MS4A4A: variants seen among roughly 807,000 people sequenced by gnomAD.
The protein encoded by MS4A4A is membrane spanning 4-domains A4A, also known as membrane-spanning 4-domains subfamily A member 4A.
Under a neutral mutation model 28.0 loss-of-function variants are expected in MS4A4A, and 26 were observed. The observed-to-expected ratio is 0.93, with a 90% CI of 0.68 to 1.29. The LOEUF is 1.29. MS4A4A is among the 50% of genes most tolerant of loss of function. The pLI, the probability that MS4A4A is intolerant of heterozygous loss-of-function variation, is 0.00. For missense variants in MS4A4A, 290 were observed against 293.1 expected (o/e 0.99, Z 0.08); for synonymous variants, 86 against 100.8 (o/e 0.85, Z 0.88).
intron 1 of MS4A4A, chr11:60,282,643 A>G: frequency 7.8e-7 from 1 of 1,286,670 alleles, no homozygotes. Flanking sequence ...CAATATATGC[A>G]GATGTCTCAA....
chr11:60,299,461 TTTTTTTGG>T (rs2084932741), intron 3 of MS4A4A, among the ~76,000 whole-genome samples: 1 of 150,622 alleles, frequency 6.6e-6, no homozygotes, highest in African/African-American at 2.4e-5. Context: ...TTTTTTTTTT[TTTTTTTGG>T]TTTTTGGTTT....
At chr11:60,302,502 T>A (rs1319254475) in intron 4 of MS4A4A, 57 bp from the exon 5 acceptor site, 17 of 1,534,912 alleles carry the variant, frequency 1.1e-5, no homozygotes, top group Non-Finnish European at 1.5e-5. Context: ...AAGTGATTCA[T>A]GGAGATATAT....
At chr11:60,290,026 C>G (rs1460663400) in intron 1 of MS4A4A, 1 of 419,054 alleles carries the variant, frequency 2.4e-6, no homozygotes, top group Non-Finnish European at 4.9e-6. Flanking sequence ...CCAGATGCTC[C>G]TAATCTGTGG....
At position 60,306,199 on chromosome 11, in the gene MS4A4A, G is replaced by T; in HGVS notation, c.646G>T (p.Gly216Trp). Residue 216 changes from glycine to tryptophan, a missense_variant and splice_region_variant, in exon 6 of 7, where the codon GGG (glycine) becomes TGG (tryptophan). Transcript: ENST00000337908. The part of the protein sequence containing the change: ...GCKVLCCTPG[G>W]VVLILPSHSH... ...TAAAGTGCTCTGTTGTACCCCTGGTGGGGTGAGTATTGGCCTTCATTTGAA... is the reference window on the plus strand; with the variant it reads ...TAAAGTGCTCTGTTGTACCCCTGGTTGGGTGAGTATTGGCCTTCATTTGAA... The T allele has an allele frequency of 6.2e-7, 1 of 1,610,276 alleles. No individual in the cohort carries two copies. The highest frequency in any genetic ancestry group is 8.5e-7 in the Non-Finnish European group (1 of 1,176,572).
intron 1 of MS4A4A, chr11:60,282,848 G>A: frequency 1.3e-6 from 1 of 775,446 alleles, no homozygotes; most frequent in Non-Finnish European, 1.7e-6. Context: ...CTTTTAAAGG[G>A]GATGGTGACT....
intron 1 of MS4A4A, among the ~76,000 whole-genome samples, chr11:60,285,506 C>A (rs1425550169): frequency 6.6e-6 from 1 of 152,122 alleles, no homozygotes; most frequent in Non-Finnish European, 1.5e-5. Flanking sequence ...ATTGGAGGAA[C>A]CAGTCCCCAA....
rs564822478 is a variant in MS4A4A at position 60,296,922 on chromosome 11, A to G, written c.202-275A>G. On this transcript the variant is annotated intron_variant, in intron 2 of 6. Transcript: ENST00000337908. ...AAAGAGAAATAATTGTGGTAGAAGT[A>G]ACATCGTAGGTATCAGAAAAGCACC... 5 of 354,366 alleles carry G rather than the reference A, an allele frequency of 1.4e-5. No individual in the cohort carries two copies. In the South Asian group the frequency reaches 1.4e-4, roughly 10 times the overall value. 22.0% of individuals were successfully genotyped at this position (354,366 alleles called of 1,614,324 possible).
chr11:60,287,850 G>A (rs1565143404), intron 1 of MS4A4A, among the ~76,000 whole-genome samples: 1 of 152,220 alleles, frequency 6.6e-6, no homozygotes, highest in Non-Finnish European at 1.5e-5. Context: ...AAAGGTGTAA[G>A]TGGTTTCAAG....
intron 1 of MS4A4A, among the ~76,000 whole-genome samples, chr11:60,291,525 T>C (rs1211000203): frequency 6.6e-6 from 1 of 151,872 alleles, no homozygotes; most frequent in African/African-American, 2.4e-5. Flanking sequence ...TTCAGCTGGG[T>C]GCGGTGGCTC....
chr11:60,290,310 C>T (rs2084843912), intron 1 of MS4A4A: 1 of 165,156 alleles, frequency 6.1e-6, no homozygotes, highest in Non-Finnish European at 1.3e-5. Context: ...AATCTGTGGC[C>T]ATGGTGTCCT....
chr11:60,287,210 T>C (rs1263836687), intron 1 of MS4A4A, among the ~76,000 whole-genome samples: 2 of 152,342 alleles, frequency 1.3e-5, no homozygotes, highest in East Asian at 1.9e-4. Context: ...TAAAAAACCA[T>C]TGAAGACTGG....
intron 1 of MS4A4A, among the ~76,000 whole-genome samples, chr11:60,291,753 G>A (rs917266151): frequency 1.9e-4 from 28 of 148,972 alleles, no homozygotes; most frequent in Admixed American, 4.7e-4. Context: ...TGCCGAGATC[G>A]CGCCACTGCA....
intron 4 of MS4A4A, 110 bp downstream of exon 4, chr11:60,301,167 G>A (rs932722341): frequency 2.2e-6 from 2 of 893,320 alleles, no homozygotes; most frequent in African/African-American, 1.7e-5. Context: ...AAAATCAGGA[G>A]CGATTGTGCA....
At chr11:60,292,472 C>T (rs982505543) in intron 2 of MS4A4A, 88 bp downstream of exon 2, 6 of 1,325,344 alleles carry the variant, frequency 4.5e-6, no homozygotes, top group South Asian at 1.7e-5. Flanking sequence ...CCACTAGCCT[C>T]ATAATACAAC....
In MS4A4A at chr11:60,308,783, A is replaced by C. The variant is rs2085031879; in HGVS notation, c.*605A>C. 6.6e-6 allele frequency: 1 copy of C among 152,170 alleles called. No individual in the cohort carries two copies. Among genetic ancestry groups the C allele is most frequent in the Admixed American group, 6.5e-5 (1 of 15,270 alleles). The allele number at this position is 152,170 out of a possible 1,614,324, so 9.4% of individuals were successfully genotyped here. A position where few individuals can be genotyped will look rare whatever the true frequency, so the allele number is the denominator to read the frequency against. On this transcript the variant is annotated 3_prime_UTR_variant, in exon 7 of 7. Coordinates refer to ENST00000337908, the MANE Select transcript of MS4A4A (RefSeq NM_148975.3). ...AGCTATCATTTGAGTAAAAGTATAC[A>C]TGGAGTAAAAATCATATTAAGCATC...
chr11:60,294,941 CTTCTTCTTCT>C (rs2084892882), intron 2 of MS4A4A, among the ~76,000 whole-genome samples: 4 of 119,500 alleles, frequency 3.3e-5, no homozygotes, highest in Non-Finnish European at 7.6e-5. Flanking sequence ...TCTTCTTCTT[CTTCTTCTTCT>C]AGATTGTGTT....
Position 60,297,290 on chromosome 11 carries a change from G to A in MS4A4A, c.295G>A (p.Val99Met), listed in dbSNP as rs377643559. 86 of 1,613,160 alleles carry A rather than the reference G, an allele frequency of 5.3e-5. No individual in the cohort carries two copies. The Admixed American group carries it at 7.0e-4, about 13-fold the overall frequency. Reference sequence around the variant, plus strand: ...TACTTATGGAAGTAACCCTATTTCCGTGTATATCGGGTACACAATTTGGGG... The same window carrying A: ...TACTTATGGAAGTAACCCTATTTCCATGTATATCGGGTACACAATTTGGGG... ...SNTYGSNPIS[V>M]YIGYTIWGSV... Residue 99 changes from valine to methionine, a missense_variant, in exon 3 of 7, where the codon GTG becomes ATG. By Grantham distance (21) the Val-to-Met change is conservative (BLOSUM62 1). Coordinates refer to ENST00000337908, the MANE Select transcript of MS4A4A (RefSeq NM_148975.3).
At chr11:60,305,233 T>C (rs572906820) in intron 5 of MS4A4A, among the ~76,000 whole-genome samples, 80 of 152,248 alleles carry the variant, frequency 5.3e-4, no homozygotes, top group Non-Finnish European at 8.2e-4. Context: ...ACCTACTTGA[T>C]GTTCATTGTT....
At chr11:60,302,834 G>A (rs542137318) in intron 5 of MS4A4A, 117 bp downstream of exon 5, 2 of 963,616 alleles carry the variant, frequency 2.1e-6, no homozygotes, top group South Asian at 1.6e-5. Context: ...GGAAGTTGGA[G>A]TGATTGAGAA....
Sources: allele counts gnomAD v4.1 joint callset (sites outside exome capture counted in the v4.1 genomes callset), GRCh38; gene constraint gnomAD v4.1.1; transcripts MANE v1.5; gene names NCBI Gene and HGNC (gene_info 2026-07-23, HGNC 2026-07-21).